Variants in GPR173 observed in about 807,000 individuals in gnomAD.
GPR173 encodes the protein probable G protein-coupled receptor 173.
GPR173 carries 2 observed loss-of-function variants against 13.9 expected under a neutral mutation model. The ratio of observed to expected loss-of-function variants is 0.14; its 90% CI spans 0.06 to 0.45. GPR173 has a LOEUF of 0.45. GPR173 is among the 20% of genes least tolerant of loss of function. GPR173 has a pLI of 0.98. For missense variants in GPR173, 202 were observed against 340.5 expected, an observed-to-expected ratio of 0.59 and a Z score of 3.20; for synonymous variants, 131 against 141.0, an observed-to-expected ratio of 0.93 and a Z score of 0.50.
chrX:53,060,468 T>A (rs1461046899), intron 1 of GPR173, among the ~76,000 whole-genome samples: 2 of 107,381 alleles, frequency 1.9e-5, no homozygotes, highest in Non-Finnish European at 3.8e-5. Flanking sequence ...TAATCCCAGC[T>A]ACTCGGGAGG....
chrX:53,077,827 C>G lies in GPR173; in HGVS notation c.*84C>G. ...AGCAAGGGAGGGGTAGGGGCCCATACAGGAGTCCTCCTTTCTGAGCTCCAG... is the reference window on the plus strand; with the variant it reads ...AGCAAGGGAGGGGTAGGGGCCCATAGAGGAGTCCTCCTTTCTGAGCTCCAG... On this transcript the variant is annotated 3_prime_UTR_variant, in exon 2 of 2. Coordinates refer to ENST00000332582, the MANE Select transcript of GPR173 (RefSeq NM_018969.6). 5.1e-6 allele frequency: 4 copies of G among 783,765 alleles called. No homozygotes were observed. Among genetic ancestry groups the G allele is most frequent in the Non-Finnish European group, 7.4e-6 (4 of 539,592 alleles). 64.6% of individuals were successfully genotyped at this position (783,765 alleles called of 1,213,427 possible).
Position 53,062,339 on chromosome X carries a change from AG to A in GPR173, c.-98+12856del, listed in dbSNP as rs1430578714. Among the ~76,000 whole-genome samples the A allele has an allele frequency of 1.7e-3, 183 of 110,546 alleles. 1 individual carries two copies. The highest frequency in any genetic ancestry group is 5.9e-3 in the African/African-American group (178 of 30,396). On this transcript the variant is annotated intron_variant, in intron 1 of 1. Transcript: ENST00000332582. Reference sequence around the variant, plus strand: ...ACCAACTCAAAATTCCAAAGTCCAGAGTCCCATTTGAATCAGACAGGAGAGA... The same window carrying A: ...ACCAACTCAAAATTCCAAAGTCCAGATCCCATTTGAATCAGACAGGAGAGA...
chrX:53,050,874 C>A (rs782529619), intron 1 of GPR173, among the ~76,000 whole-genome samples: 1 of 111,389 alleles, frequency 9.0e-6, no homozygotes. Context: ...CTCCCTCCCC[C>A]ACCCCACTCC....
At chrX:53,062,002 AG>A (rs1569221930) in intron 1 of GPR173, among the ~76,000 whole-genome samples, 1 of 109,106 alleles carries the variant, frequency 9.2e-6, no homozygotes. Context: ...AGAAGAGAAG[AG>A]AAGAGAAGAG....
intron 1 of GPR173, among the ~76,000 whole-genome samples, chrX:53,059,877 G>A (rs927490654): frequency 9.6e-6 from 1 of 103,802 alleles, no homozygotes; most frequent in African/African-American, 3.5e-5. Context: ...TAGTCCCAGC[G>A]ACTTGGGAGG....
At chrX:53,050,354 A>G (rs1324867253) in intron 1 of GPR173, among the ~76,000 whole-genome samples, 3 of 112,075 alleles carry the variant, frequency 2.7e-5, no homozygotes, top group Middle Eastern at 4.6e-3. Flanking sequence ...TCTGTTTCAG[A>G]TGTCCATGTT....
Position 53,076,701 on chromosome X carries a change from T to C in GPR173, c.80T>C (p.Val27Ala). ...TCCGCATCAGCTTATGTGAAGCTGG[T>C]ACTGCTGGGACTGATTATGTGCGTG... ...PPSASAYVKL[V>A]LLGLIMCVSL... The change falls in exon 2 of 2, where the codon GTA (valine) becomes GCA (alanine). Residue 27 changes from valine to alanine, a missense_variant. This residue lies in a region of GPR173 where 98 missense variants were observed against 137.2 expected (regional missense o/e 0.71). Coordinates refer to ENST00000332582, the MANE Select transcript of GPR173 (RefSeq NM_018969.6). 8.3e-7 allele frequency: 1 copy of C among 1,209,540 alleles called. No individual in the cohort carries two copies.
In GPR173 at chrX:53,077,998, T is replaced by TTCTCTC. The variant is rs782279965; in HGVS notation, c.*269_*274dup. ...CTCCTTCTCCACTTCTACAATCTCA[T>TTCTCTC]TCTCTCTCTCTCTCTCTCTGTCTCT... is the stretch of plus-strand genomic sequence containing the variant. On this transcript the variant is annotated 3_prime_UTR_variant, in exon 2 of 2. Coordinates refer to ENST00000332582, the MANE Select transcript of GPR173 (RefSeq NM_018969.6). The TTCTCTC allele has an allele frequency of 6.4e-5, 19 of 298,169 alleles. No individual in the cohort carries two copies. The highest frequency in any genetic ancestry group is 3.0e-4 in the Admixed American group (5 of 16,586). The allele number at this position is 298,169 out of a possible 1,213,427, so 24.6% of individuals were successfully genotyped here.
intron 1 of GPR173, 60 bp from the exon 2 acceptor site, chrX:53,076,465 C>T (rs1932433040): frequency 1.4e-5 from 6 of 426,681 alleles, no homozygotes; most frequent in Admixed American, 4.2e-5. Context: ...CTGTCTCTCT[C>T]TTGCCCTCAT....
chrX:53,072,872 C>A (rs1469433020), intron 1 of GPR173, among the ~76,000 whole-genome samples: 1 of 111,626 alleles, frequency 9.0e-6, no homozygotes, highest in Non-Finnish European at 1.9e-5. Flanking sequence ...CCTGCCCTAG[C>A]ACTTTCTAAG....
chrX:53,065,307 G>C (rs1556804122), intron 1 of GPR173: 1 of 111,961 alleles, frequency 8.9e-6, no homozygotes, highest in African/African-American at 3.2e-5. Flanking sequence ...TAATTAGCTT[G>C]AATGTATGAA....
Position 53,077,917 on chromosome X carries a change from T to C in GPR173, c.*174T>C. On this transcript the variant is annotated 3_prime_UTR_variant, in exon 2 of 2. Transcript: ENST00000332582. ...CCAACACCTCCCAAGGATGGAGGACTGGGCGAGGGACTGGGAAAGAGGCAT... is the reference window on the plus strand; with the variant it reads ...CCAACACCTCCCAAGGATGGAGGACCGGGCGAGGGACTGGGAAAGAGGCAT... 1 of 446,147 alleles carries C rather than the reference T, an allele frequency of 2.2e-6. No homozygotes were observed. The highest frequency in any genetic ancestry group is 3.8e-5 in the South Asian group (1 of 26,110). The allele number at this position is 446,147 out of a possible 1,213,427, so 36.8% of individuals were successfully genotyped here.
chrX:53,074,738 T>G (rs1298185765), intron 1 of GPR173, among the ~76,000 whole-genome samples: 1 of 93,699 alleles, frequency 1.1e-5, no homozygotes, highest in Non-Finnish European at 2.0e-5. Flanking sequence ...TATTTATATA[T>G]AAATATAATT....
At chrX:53,065,677 A>C in intron 1 of GPR173, 1 of 112,398 alleles carries the variant, frequency 8.9e-6, no homozygotes, top group Non-Finnish European at 1.9e-5. Context: ...TAGTGGGTTA[A>C]AACTCGTTTC....
rs1207862679 is a variant in GPR173 at position 53,062,559 on chromosome X, AC to A, written c.-98+13076del. On this transcript the variant is annotated intron_variant, in intron 1 of 1. Coordinates refer to ENST00000332582, the MANE Select transcript of GPR173 (RefSeq NM_018969.6). ...CCAAAATCCAACAGAAAAAAAAAAA[AC>A]ATTGTCTTCTTCTTTTTTTTTTTTT... Among the ~76,000 whole-genome samples the A allele has an allele frequency of 9.9e-4, 103 of 103,573 alleles. 1 individual carries two copies. The highest frequency in any genetic ancestry group is 1.5e-3 in the Non-Finnish European group (77 of 51,137). 89.9% of individuals were successfully genotyped at this position (103,573 alleles called of 115,157 possible). A position where few individuals can be genotyped will look rare whatever the true frequency, so the allele number is the denominator to read the frequency against.
At chrX:53,074,784 A>T (rs911866525) in intron 1 of GPR173, among the ~76,000 whole-genome samples, 8 of 96,531 alleles carry the variant, frequency 8.3e-5, no homozygotes, top group African/African-American at 2.3e-4. Context: ...ATAAATTTTT[A>T]TATTATAAAA....
At position 53,076,951 on chromosome X, in the gene GPR173, G is replaced by A. The variant is rs782234875; in HGVS notation, c.330G>A (p.Ala110=). 4.1e-5 allele frequency: 50 copies of A among 1,208,373 alleles called. No homozygotes were observed. The East Asian group carries it at 6.8e-4, about 16-fold the overall frequency. The change falls in exon 2 of 2, where the codon GCG becomes GCA. Residue 110 remains alanine, a synonymous_variant. Transcript: ENST00000332582. ...AFMAVLFCFH[A]AFMLFCISVT... is the part of the protein sequence containing the mutation. ...TGGCCGTGCTCTTTTGCTTCCATGCGGCCTTCATGCTGTTCTGCATCAGCG... is the reference window on the plus strand; with the variant it reads ...TGGCCGTGCTCTTTTGCTTCCATGCAGCCTTCATGCTGTTCTGCATCAGCG...
intron 1 of GPR173, among the ~76,000 whole-genome samples, chrX:53,060,039 C>CACACACACACACAT (rs1932101548): frequency 1.9e-5 from 2 of 106,918 alleles, no homozygotes; most frequent in African/African-American, 6.8e-5. Flanking sequence ...TATACACACA[C>CACACACACACACAT]ACACATACAC....
chrX:53,076,679 G>A lies in GPR173; in HGVS notation c.58G>A (p.Ala20Thr), dbSNP rs781841578. 4.6e-5 allele frequency: 56 copies of A among 1,205,573 alleles called. No individual in the cohort carries two copies. In the South Asian group the frequency reaches 6.5e-4, roughly 14 times the overall value. Residue 20 changes from alanine (A) to threonine (T), a missense_variant, in exon 2 of 2, where the codon GCA (alanine) becomes ACA (threonine). Around this residue, in one of 3 missense-constraint regions of GPR173, gnomAD observed 98 missense variants for 137.2 expected, o/e 0.71. Coordinates refer to ENST00000332582, the MANE Select transcript of GPR173 (RefSeq NM_018969.6). Reference sequence around the variant, plus strand: ...GAGCGGCGCTCTGTCCCCACCGTCCGCATCAGCTTATGTGAAGCTGGTACT... The same window carrying A: ...GAGCGGCGCTCTGTCCCCACCGTCCACATCAGCTTATGTGAAGCTGGTACT... The part of the protein sequence containing the change: ...EVSGALSPPS[A>T]SAYVKLVLLG...
Sources: gnomAD v4.1 joint callset for allele counts (sites outside exome capture counted in the v4.1 genomes callset) on GRCh38, gnomAD v4.1.1 for gene constraint, gnomAD v4.1.1 regional missense constraint, MANE v1.5 for transcripts, NCBI Gene and HGNC (gene_info 2026-07-23, HGNC 2026-07-21) for gene names.